Variants in PLEKHG1 observed in about 807,000 individuals in gnomAD.
The protein encoded by PLEKHG1 is pleckstrin homology and RhoGEF domain containing G1.
PLEKHG1 carries 44 observed loss-of-function variants against 100.8 expected under a neutral mutation model. The observed-to-expected ratio is 0.44, with a 90% CI of 0.34 to 0.56. The LOEUF (loss-of-function observed/expected upper bound fraction) is 0.56, where lower values mean the gene tolerates loss of function less well. Among genes scored for constraint, PLEKHG1 ranks in the 20% least tolerant of loss-of-function variants. The probability of loss-of-function intolerance (pLI) is 0.01; values close to 1 mark genes in which losing one functional copy is unlikely to be tolerated. For synonymous variants in PLEKHG1, 640 were observed against 662.5 expected, an observed-to-expected ratio of 0.97 and a Z score of 0.52; for missense variants, 1,545 against 1,720.9, an observed-to-expected ratio of 0.90 and a Z score of 1.81.
intron 2 of PLEKHG1, among the ~76,000 whole-genome samples, chr6:150,743,968 G>A (rs922265894): frequency 6.6e-6 from 1 of 152,194 alleles, no homozygotes; most frequent in East Asian, 1.9e-4. Flanking sequence ...CTAATAGAAC[G>A]ATGCTTGGAA....
intron 2 of PLEKHG1, among the ~76,000 whole-genome samples, chr6:150,638,982 C>A (rs1778137346): frequency 6.6e-6 from 1 of 152,164 alleles, no homozygotes; most frequent in Non-Finnish European, 1.5e-5. Context: ...GAATACCATT[C>A]TTTTAATGAG....
chr6:150,629,322 G>A (rs1029455888), intron 1 of PLEKHG1, among the ~76,000 whole-genome samples: 3 of 152,124 alleles, frequency 2.0e-5, no homozygotes, highest in Admixed American at 6.5e-5. Context: ...TAAACCTAAA[G>A]CCTCAACACT....
chr6:150,826,296 A>G (rs1378996907), intron 14 of PLEKHG1, among the ~76,000 whole-genome samples: 1 of 152,104 alleles, frequency 6.6e-6, no homozygotes, highest in Non-Finnish European at 1.5e-5. Flanking sequence ...CGTCTCTACT[A>G]AAATACAAAA....
chr6:150,704,075 G>A (rs925084123), intron 3 of PLEKHG1, among the ~76,000 whole-genome samples: 16 of 151,960 alleles, frequency 1.1e-4, no homozygotes, highest in African/African-American at 2.9e-4. Context: ...GCTGAGTTTC[G>A]GAGTTGAAAG....
intron 1 of PLEKHG1, among the ~76,000 whole-genome samples, chr6:150,622,873 G>C (rs1178783514): frequency 6.6e-6 from 1 of 152,140 alleles, no homozygotes; most frequent in Non-Finnish European, 1.5e-5. Flanking sequence ...TTAGAAGATA[G>C]AAAAACAAAG....
rs1434344610 is a variant in PLEKHG1 at position 150,776,657 on chromosome 6, G to C, written c.512+7919G>C. Among the ~76,000 whole-genome samples the C allele has an allele frequency of 1.8e-5, 2 of 114,234 alleles. 1 individual carries two copies. Among genetic ancestry groups the C allele is most frequent in the African/African-American group, 8.9e-5 (2 of 22,504 alleles). The allele number at this position is 114,234 out of a possible 152,430, so 74.9% of individuals were successfully genotyped here. ...TTACACTGATGCAATCCTGGTGCAC[G>C]TGTGGTTGCACATTACTCACACTGA... On this transcript the variant is annotated intron_variant, in intron 3 of 15. Coordinates refer to ENST00000358517, the Ensembl canonical transcript of PLEKHG1.
At chr6:150,669,177 T>C (rs1178876675) in intron 3 of PLEKHG1, among the ~76,000 whole-genome samples, 1 of 152,132 alleles carries the variant, frequency 6.6e-6, no homozygotes, top group Non-Finnish European at 1.5e-5. Context: ...AAAAGGAGGC[T>C]CCTGACTTAG....
chr6:150,733,657 T>A, exon 2 of PLEKHG1: 1 of 1,614,124 alleles, frequency 6.2e-7, no homozygotes, highest in Non-Finnish European at 8.5e-7. Context: ...CAGCCAGGCG[T>A]TCCTGCCCTC....
chr6:150,813,941 G>A (rs1787701827), intron 10 of PLEKHG1, among the ~76,000 whole-genome samples: 1 of 152,066 alleles, frequency 6.6e-6, no homozygotes, highest in Non-Finnish European at 1.5e-5. Context: ...AATTGAACTG[G>A]GTGGAAAATA....
At chr6:150,789,823 A>C (rs1373220139) in intron 4 of PLEKHG1, among the ~76,000 whole-genome samples, 13 of 152,104 alleles carry the variant, frequency 8.5e-5, no homozygotes, top group Non-Finnish European at 1.9e-4. Flanking sequence ...TGGGCAAGTC[A>C]CTCTGGCATT....
intron 2 of PLEKHG1, among the ~76,000 whole-genome samples, chr6:150,742,470 C>T (rs187626988): frequency 1.3e-4 from 19 of 143,722 alleles, no homozygotes; most frequent in African/African-American, 2.3e-4. Context: ...GAGACTGAGG[C>T]GGGAGAATCA....
At chr6:150,688,565 A>G (rs1582945912) in intron 3 of PLEKHG1, among the ~76,000 whole-genome samples, 1 of 152,116 alleles carries the variant, frequency 6.6e-6, no homozygotes, top group Non-Finnish European at 1.5e-5. Context: ...CAGGTGATCC[A>G]CCTGCGTTGG....
intron 4 of PLEKHG1, 33 bp downstream of exon 5, chr6:150,786,492 G>A: frequency 7.3e-7 from 1 of 1,365,710 alleles, no homozygotes. Flanking sequence ...GGCCAACTGA[G>A]ACAGATACAG....
intron 1 of PLEKHG1, among the ~76,000 whole-genome samples, chr6:150,613,965 T>A (rs1254186998): frequency 6.6e-6 from 1 of 152,228 alleles, no homozygotes; most frequent in Non-Finnish European, 1.5e-5. Flanking sequence ...CAGATTTCCC[T>A]GTTAAGCAGA....
chr6:150,659,121 G>T (rs907264215), intron 3 of PLEKHG1, among the ~76,000 whole-genome samples: 2 of 151,618 alleles, frequency 1.3e-5, no homozygotes, highest in African/African-American at 2.4e-5. Flanking sequence ...GTGCACCCGT[G>T]TTGGGACTGG....
At chr6:150,663,551 CTCTCT>C (rs1369356847) in intron 3 of PLEKHG1, 4 of 141,272 alleles carry the variant, frequency 2.8e-5, no homozygotes, top group East Asian at 2.0e-4. Context: ...CTCTCTCTCT[CTCTCT>C]TTTTTTTTTT....
intron 3 of PLEKHG1, among the ~76,000 whole-genome samples, chr6:150,688,952 A>G (rs1780244679): frequency 6.6e-6 from 1 of 152,222 alleles, no homozygotes; most frequent in Non-Finnish European, 1.5e-5. Flanking sequence ...TGTATTCACA[A>G]TGTTATGCAA....
intron 1 of PLEKHG1, among the ~76,000 whole-genome samples, chr6:150,729,322 A>C (rs1348414283): frequency 6.6e-6 from 1 of 152,190 alleles, no homozygotes; most frequent in Non-Finnish European, 1.5e-5. Flanking sequence ...TCAGCCTCCC[A>C]AAGTGCTGGA....
At chr6:150,639,152 G>T (rs573292840) in intron 2 of PLEKHG1, among the ~76,000 whole-genome samples, 2 of 152,088 alleles carry the variant, frequency 1.3e-5, no homozygotes, top group Admixed American at 6.5e-5. Context: ...GCTGAGAACC[G>T]CTTGGCCCCA....
Sources: allele counts gnomAD v4.1 joint callset (sites outside exome capture counted in the v4.1 genomes callset), GRCh38; gene constraint gnomAD v4.1.1; transcripts MANE v1.5; gene names NCBI Gene and HGNC (gene_info 2026-07-23, HGNC 2026-07-21).